Variants in KCNT2 observed in about 807,000 individuals in gnomAD.
KCNT2 encodes the protein potassium sodium-activated channel subfamily T member 2.
Under a neutral mutation model 153.8 loss-of-function variants are expected in KCNT2, and 67 were observed. The observed-to-expected ratio is 0.44, with a 90% confidence interval of 0.36 to 0.53. KCNT2 has a LOEUF of 0.53. KCNT2 is among the 20% of genes least tolerant of loss of function. KCNT2 has a pLI of 0.00. For synonymous variants in KCNT2, 500 were observed against 458.8 expected, an observed-to-expected ratio of 1.09 and a Z score of -1.15; for missense variants, 975 against 1,354.8, an observed-to-expected ratio of 0.72 and a Z score of 4.40.
intron 8 of KCNT2, among the ~76,000 whole-genome samples, chr1:196,457,145 T>G (rs1676744462): frequency 6.6e-6 from 1 of 151,810 alleles, no homozygotes; most frequent in Admixed American, 6.6e-5. Flanking sequence ...AAAACTGATT[T>G]AAAAGGAGTA....
At chr1:196,434,288 A>G (rs1330155131) in intron 8 of KCNT2, among the ~76,000 whole-genome samples, 6 of 152,126 alleles carry the variant, frequency 3.9e-5, no homozygotes, top group Admixed American at 3.3e-4. Context: ...TAGAGAACAG[A>G]GAAGAAAGAT....
intron 8 of KCNT2, among the ~76,000 whole-genome samples, chr1:196,443,125 C>T (rs893459518): frequency 1.3e-5 from 2 of 151,406 alleles, no homozygotes; most frequent in Admixed American, 6.6e-5. Context: ...ATGCCTCCTA[C>T]GTATCTGGAT....
intron 26 of KCNT2, among the ~76,000 whole-genome samples, chr1:196,252,794 A>G (rs965441774): frequency 6.6e-6 from 1 of 151,212 alleles, no homozygotes; most frequent in African/African-American, 2.4e-5. Flanking sequence ...TAAAAATATT[A>G]TTTGCCTTCA....
intron 7 of KCNT2, among the ~76,000 whole-genome samples, chr1:196,466,798 G>A (rs1572551941): frequency 3.9e-5 from 6 of 152,076 alleles, no homozygotes; most frequent in Admixed American, 3.9e-4. Flanking sequence ...TGGTATGAAT[G>A]ACTCAATGGA....
intron 25 of KCNT2, among the ~76,000 whole-genome samples, chr1:196,261,934 G>T (rs752626104): frequency 2.6e-5 from 4 of 151,738 alleles, no homozygotes; most frequent in Non-Finnish European, 4.4e-5. Flanking sequence ...GTTCAATAAA[G>T]AAGTGAAAAA....
At chr1:196,306,031 T>C (rs191111887) in intron 21 of KCNT2, among the ~76,000 whole-genome samples, 111 of 152,194 alleles carry the variant, frequency 7.3e-4, no homozygotes, top group African/African-American at 2.3e-3. Flanking sequence ...CAAGATTTCT[T>C]TCCCCCAGAG....
chr1:196,294,804 T>C (rs1571940661), intron 22 of KCNT2, among the ~76,000 whole-genome samples: 1 of 151,592 alleles, frequency 6.6e-6, no homozygotes, highest in East Asian at 1.9e-4. Flanking sequence ...TATATATATA[T>C]ATATACATAA....
At chr1:196,253,688 G>A (rs1286669408) in intron 26 of KCNT2, among the ~76,000 whole-genome samples, 3 of 151,364 alleles carry the variant, frequency 2.0e-5, no homozygotes, top group Non-Finnish European at 4.4e-5. Context: ...TATTTCAGTT[G>A]AGAACATAAA....
In KCNT2 at chr1:196,225,831, C is replaced by G. The variant is rs1653449818; in HGVS notation, c.*2393G>C. ...TTTATTTTAAAGCAGTTCAATGTAA[C>G]TGGTAGCAAAATGGTACAGACAATA... On this transcript the variant is annotated 3_prime_UTR_variant, in exon 28 of 28. Transcript: ENST00000294725. The G allele has an allele frequency of 6.6e-6, 1 of 152,030 alleles. No individual in the cohort carries two copies. The highest frequency in any genetic ancestry group is 1.5e-5 in the Non-Finnish European group (1 of 67,966). The allele number at this position is 152,030 out of a possible 1,614,324, so 9.4% of individuals were successfully genotyped here.
chr1:196,296,343 A>G (rs1660674439), intron 22 of KCNT2, among the ~76,000 whole-genome samples: 1 of 151,154 alleles, frequency 6.6e-6, no homozygotes, highest in South Asian at 2.1e-4. Flanking sequence ...AGTTAACAGT[A>G]ATTTAAATGC....
At chr1:196,409,264 A>G (rs1469207604) in intron 12 of KCNT2, among the ~76,000 whole-genome samples, 2 of 150,834 alleles carry the variant, frequency 1.3e-5, no homozygotes, top group African/African-American at 2.4e-5. Context: ...GTTCCCTTTT[A>G]TTGCCGCCTT....
chr1:196,368,428 C>T (rs1264003237), intron 14 of KCNT2, among the ~76,000 whole-genome samples: 2 of 152,058 alleles, frequency 1.3e-5, no homozygotes, highest in Non-Finnish European at 2.9e-5. Flanking sequence ...ATAGGACTTC[C>T]ATTATTTTTC....
At chr1:196,443,982 C>T (rs909500044) in intron 8 of KCNT2, among the ~76,000 whole-genome samples, 1 of 150,560 alleles carries the variant, frequency 6.6e-6, no homozygotes, top group Admixed American at 6.7e-5. Flanking sequence ...GATATATTCC[C>T]AAAAGAAAAA....
At chr1:196,528,695 G>A (rs922849591) in intron 1 of KCNT2, among the ~76,000 whole-genome samples, 1 of 152,126 alleles carries the variant, frequency 6.6e-6, no homozygotes, top group Admixed American at 6.6e-5. Context: ...TTATGACTGT[G>A]AGTAATAAAA....
chr1:196,312,950 C>G (rs1251354281), intron 21 of KCNT2, among the ~76,000 whole-genome samples: 1 of 151,580 alleles, frequency 6.6e-6, no homozygotes, highest in Non-Finnish European at 1.5e-5. Context: ...TCATCTGCCT[C>G]TAAGGAATTT....
Position 196,510,681 on chromosome 1 carries a change from T to C in KCNT2, c.96-18340A>G, listed in dbSNP as rs576973140. 2.5e-4 allele frequency among the ~76,000 whole-genome samples: 38 copies of C among 152,302 alleles called. 1 individual carries two copies. In the South Asian group the frequency reaches 7.5e-3, roughly 30 times the overall value. On this transcript the variant is annotated intron_variant, in intron 1 of 27. Coordinates refer to ENST00000294725, the MANE Select transcript of KCNT2 (RefSeq NM_198503.5). ...ATCATAGAAGTGGGTGTGATCGACATGGAAATGTGGCACCCAGATTCTCCT... is the reference window on the plus strand; with the variant it reads ...ATCATAGAAGTGGGTGTGATCGACACGGAAATGTGGCACCCAGATTCTCCT...
At chr1:196,254,851 A>T (rs191265190) in intron 26 of KCNT2, among the ~76,000 whole-genome samples, 1 of 151,726 alleles carries the variant, frequency 6.6e-6, no homozygotes, top group Non-Finnish European at 1.5e-5. Context: ...TTTCCTTGAC[A>T]AAAAAATAAG....
chr1:196,231,181 A>G (rs748918238), intron 27 of KCNT2, among the ~76,000 whole-genome samples: 15 of 152,018 alleles, frequency 9.9e-5, no homozygotes, highest in Middle Eastern at 3.4e-3. Context: ...TTTTTTAGCA[A>G]TAAACTGTTT....
chr1:196,351,073 T>C (rs1558182283), intron 14 of KCNT2, among the ~76,000 whole-genome samples: 1 of 152,222 alleles, frequency 6.6e-6, no homozygotes, highest in Non-Finnish European at 1.5e-5. Context: ...ATCTCTGTTT[T>C]GGTACCAGTA....
Sources: allele counts gnomAD v4.1 joint callset (sites outside exome capture counted in the v4.1 genomes callset), GRCh38; gene constraint gnomAD v4.1.1; transcripts MANE v1.5; gene names NCBI Gene and HGNC (gene_info 2026-07-23, HGNC 2026-07-21).